RHBDL2: variants seen among roughly 807,000 people sequenced by gnomAD.
The protein encoded by RHBDL2 is rhomboid-related protein 2.
Under a neutral mutation model 31.7 loss-of-function variants are expected in RHBDL2, and 26 were observed. That is an observed-to-expected ratio of 0.82 (90% CI 0.60 to 1.14). The LOEUF (loss-of-function observed/expected upper bound fraction) is 1.14, where lower values mean the gene tolerates loss of function less well. RHBDL2 is among the 50% of genes most tolerant of loss of function. The pLI, the probability that RHBDL2 is intolerant of heterozygous loss-of-function variation, is 0.00. For missense variants in RHBDL2, 336 were observed against 364.4 expected (o/e 0.92, Z 0.63); for synonymous variants, 123 against 127.2 (o/e 0.97, Z 0.22).
At chr1:38,929,611 T>G in intron 1 of RHBDL2, 2 of 1,265,698 alleles carry the variant, frequency 1.6e-6, no homozygotes, top group Non-Finnish European at 2.0e-6. Flanking sequence ...GAGACCCGCC[T>G]TGATGTGGCT....
intron 1 of RHBDL2, chr1:38,929,586 G>A: frequency 1.6e-6 from 2 of 1,283,062 alleles, no homozygotes; most frequent in South Asian, 1.2e-5. Flanking sequence ...TACCAGGCAG[G>A]CCCCTGCCGG....
At chr1:38,910,160 A>G (rs1643120744) in intron 4 of RHBDL2, among the ~76,000 whole-genome samples, 2 of 152,328 alleles carry the variant, frequency 1.3e-5, no homozygotes, top group South Asian at 4.1e-4. Flanking sequence ...AAATTATAGA[A>G]ATGGAGAACA....
chr1:38,937,879 T>A (rs1275412365), intron 1 of RHBDL2, among the ~76,000 whole-genome samples: 1 of 152,162 alleles, frequency 6.6e-6, no homozygotes, highest in Non-Finnish European at 1.5e-5. Flanking sequence ...CAAACCATGC[T>A]GAAGTCTTAA....
chr1:38,888,464 G>A (rs953145730), intron 6 of RHBDL2, among the ~76,000 whole-genome samples: 1 of 152,216 alleles, frequency 6.6e-6, no homozygotes, highest in Non-Finnish European at 1.5e-5. Context: ...AGGAATGCCA[G>A]TTGTCGAGTG....
intron 3 of RHBDL2, chr1:38,913,505 T>C (rs1643185133): frequency 1.3e-5 from 2 of 151,642 alleles, no homozygotes; most frequent in Non-Finnish European, 1.5e-5. Context: ...CTATTTTATT[T>C]TTTATTTATT....
At chr1:38,915,760 G>A in intron 2 of RHBDL2, 50 bp from the exon 3 acceptor site, 1 of 1,606,060 alleles carries the variant, frequency 6.2e-7, no homozygotes, top group Non-Finnish European at 8.5e-7. Flanking sequence ...TCCAGAGAGG[G>A]GCCCCATCCA....
At chr1:38,886,741 C>T in intron 7 of RHBDL2, 58 bp from the exon 8 acceptor site, 1 of 1,327,654 alleles carries the variant, frequency 7.5e-7, no homozygotes. Context: ...TTGTGTATTT[C>T]AGTTGCATCT....
At chr1:38,929,820 A>G (rs1404032587) in intron 1 of RHBDL2, among the ~76,000 whole-genome samples, 1 of 152,114 alleles carries the variant, frequency 6.6e-6, no homozygotes, top group East Asian at 1.9e-4. Context: ...GCCTGCAGCA[A>G]TCTCTCTGTG....
At chr1:38,922,673 G>T (rs891191595) in intron 1 of RHBDL2, among the ~76,000 whole-genome samples, 2 of 143,836 alleles carry the variant, frequency 1.4e-5, no homozygotes, top group Non-Finnish European at 3.0e-5. Flanking sequence ...TCCAATACCT[G>T]GTGCTATAAT....
intron 4 of RHBDL2, among the ~76,000 whole-genome samples, chr1:38,906,612 T>G (rs1175698304): frequency 1.3e-5 from 2 of 151,394 alleles, no homozygotes; most frequent in African/African-American, 2.4e-5. Flanking sequence ...AGGTGGAGCT[T>G]GCAGTGAGCG....
intron 1 of RHBDL2, among the ~76,000 whole-genome samples, chr1:38,934,389 G>A (rs549470857): frequency 4.6e-5 from 7 of 151,844 alleles, no homozygotes; most frequent in Admixed American, 1.3e-4. Flanking sequence ...CGGCAGGGTG[G>A]CTCACACTTG....
Position 38,919,087 on chromosome 1 carries a change from A to G in RHBDL2, c.126T>C (p.Ser42=). 1 of 1,612,888 alleles carries G rather than the reference A, an allele frequency of 6.2e-7. No individual in the cohort carries two copies. Among genetic ancestry groups the G allele is most frequent in the South Asian group, 1.1e-5 (1 of 91,006 alleles). The change falls in exon 2 of 8, where the codon AGT becomes AGC. Residue 42 remains serine (S), a synonymous_variant. Transcript: ENST00000372990. The part of the protein sequence containing the change: ...EDGGGKDRAK[S]KKVHRIVSKW... The stretch of plus-strand genomic sequence containing the variant: ...TTGAGACAATCCTGTGGACCTTTTT[A>G]CTCTTGGCCCGATCTTTACCTCCCC...
intron 4 of RHBDL2, among the ~76,000 whole-genome samples, chr1:38,909,648 G>A (rs955830049): frequency 4.6e-5 from 7 of 151,860 alleles, no homozygotes; most frequent in African/African-American, 1.5e-4. Flanking sequence ...AGGCTGAGGC[G>A]GGAGAATCAT....
intron 4 of RHBDL2, among the ~76,000 whole-genome samples, chr1:38,905,847 C>A (rs1643058405): frequency 6.6e-6 from 1 of 151,916 alleles, no homozygotes; most frequent in South Asian, 2.1e-4. Flanking sequence ...GCAGGCAGAT[C>A]ATGAGGTCAG....
At position 38,901,362 on chromosome 1, in the gene RHBDL2, C is replaced by T. The variant is rs541153873; in HGVS notation, c.509-5293G>A. On this transcript the variant is annotated intron_variant, in intron 4 of 7. Transcript: ENST00000372990. ...CTGTAATCCCAGCTACTCAGGAGGCCGAGACAGGAGAATTGCTTGAACCCA... is the reference window on the plus strand; with the variant it reads ...CTGTAATCCCAGCTACTCAGGAGGCTGAGACAGGAGAATTGCTTGAACCCA... Among the ~76,000 whole-genome samples the T allele has an allele frequency of 6.3e-4, 91 of 145,590 alleles. 1 individual carries two copies. The South Asian group carries it at 0.015, about 24-fold the overall frequency.
At chr1:38,937,912 A>G (rs1457020405) in intron 1 of RHBDL2, among the ~76,000 whole-genome samples, 1 of 152,130 alleles carries the variant, frequency 6.6e-6, no homozygotes, top group South Asian at 2.1e-4. Flanking sequence ...ATTTTCATAG[A>G]TAGGTGGGGA....
chr1:38,939,329 G>A (rs950446189), intron 1 of RHBDL2, among the ~76,000 whole-genome samples: 1 of 152,024 alleles, frequency 6.6e-6, no homozygotes, highest in Non-Finnish European at 1.5e-5. Flanking sequence ...CAGCCTTGGC[G>A]TCTCAGGCTC....
At chr1:38,893,728 G>C (rs1642881265) in intron 5 of RHBDL2, among the ~76,000 whole-genome samples, 1 of 151,812 alleles carries the variant, frequency 6.6e-6, no homozygotes, top group East Asian at 1.9e-4. Context: ...GGGCGCTCTT[G>C]GGGGGGTTCT....
chr1:38,929,948 A>G (rs558009210), intron 1 of RHBDL2, among the ~76,000 whole-genome samples: 3 of 152,340 alleles, frequency 2.0e-5, no homozygotes, highest in African/African-American at 7.2e-5. Flanking sequence ...TACACTTGGA[A>G]TAAATAGGCA....
Sources: allele counts gnomAD v4.1 joint callset (sites outside exome capture counted in the v4.1 genomes callset), GRCh38; gene constraint gnomAD v4.1.1; transcripts MANE v1.5; gene names NCBI Gene and HGNC (gene_info 2026-07-23, HGNC 2026-07-21).